Variants in DAB2IP observed in about 807,000 individuals in gnomAD.
The protein encoded by DAB2IP is DAB2 interacting protein, also known as disabled homolog 2-interacting protein.
DAB2IP carries 28 observed loss-of-function variants against 107.2 expected under a neutral mutation model. The observed-to-expected ratio is 0.26, with a 90% CI of 0.19 to 0.36. DAB2IP has a LOEUF of 0.36. DAB2IP is among the 10% of genes least tolerant of loss of function. The probability of loss-of-function intolerance (pLI) is 1.00; values close to 1 mark genes in which losing one functional copy is unlikely to be tolerated. For missense variants in DAB2IP, 1,400 were observed against 1,644.7 expected (o/e 0.85, Z 2.57); for synonymous variants, 755 against 706.4 (o/e 1.07, Z -1.09).
In DAB2IP at chr9:121,699,426, G is replaced by A. The variant is rs766282459; in HGVS notation, c.330G>A (p.Arg110=). ...TCCGCCACATCCTGCCGGGGTTCCG[G>A]AGCGCCGCCGCCGCCGCCGCGGACA... The change falls in exon 3 of 16, where the codon CGG becomes CGA. Residue 110 remains arginine, a synonymous_variant. Coordinates refer to ENST00000408936, the Ensembl canonical transcript of DAB2IP. The surrounding 1 kb of genome is among the most constrained non-coding windows in gnomAD (Gnocchi z 6.2). The A allele has an allele frequency of 4.1e-6, 6 of 1,460,772 alleles. No homozygotes were observed. The highest frequency in any genetic ancestry group is 2.1e-5 in the Admixed American group (1 of 47,414). 90.5% of individuals were successfully genotyped at this position (1,460,772 alleles called of 1,614,324 possible). A position where few individuals can be genotyped will look rare whatever the true frequency, so the allele number is the denominator to read the frequency against.
chr9:121,783,958 G>A, exon 16 of DAB2IP: 1 of 241,226 alleles, frequency 4.1e-6, no homozygotes, highest in South Asian at 7.2e-5. Flanking sequence ...CCAGGGCAGG[G>A]CGAGCTGCAG....
intron 4 of DAB2IP, 55 bp downstream of exon 4, chr9:121,757,221 G>C (rs1388547682): frequency 6.3e-7 from 1 of 1,586,634 alleles, no homozygotes; most frequent in African/African-American, 1.3e-5. Context: ...TGGCCTGGCT[G>C]GTCTCCTCCA....
chr9:121,741,072 A>G (rs986512706), intron 3 of DAB2IP, among the ~76,000 whole-genome samples: 4 of 152,144 alleles, frequency 2.6e-5, no homozygotes, highest in Non-Finnish European at 5.9e-5. Flanking sequence ...ATGTTCTGCC[A>G]GGGCTCCAAG....
At chr9:121,641,899 T>TTCTTTC (rs1554718129) in intron 1 of DAB2IP, among the ~76,000 whole-genome samples, 3 of 113,774 alleles carry the variant, frequency 2.6e-5, no homozygotes, top group African/African-American at 3.7e-5. Context: ...TTCCCTTTCT[T>TTCTTTC]TCTTTCTTTC....
chr9:121,719,706 C>G (rs892420770), intron 3 of DAB2IP, among the ~76,000 whole-genome samples: 1 of 152,180 alleles, frequency 6.6e-6, no homozygotes, highest in Non-Finnish European at 1.5e-5. Flanking sequence ...TCTCTTAGTG[C>G]TTACAGTGAC....
intron 1 of DAB2IP, among the ~76,000 whole-genome samples, chr9:121,581,421 T>A (rs603315): frequency 6.6e-6 from 1 of 152,026 alleles, no homozygotes; most frequent in Non-Finnish European, 1.5e-5. Flanking sequence ...GCACCTTGCA[T>A]CTTCAGGAGG....
In DAB2IP at chr9:121,613,753, A is replaced by G. The variant is rs117131613; in HGVS notation, c.40+46525A>G. On this transcript the variant is annotated intron_variant, in intron 1 of 16. Transcript: ENST00000259371. Reference sequence around the variant, plus strand: ...TAAATACAGAACAAATGACCTGTGCACTTATTGGAGAAGTGCTGGGATAGT... The same window carrying G: ...TAAATACAGAACAAATGACCTGTGCGCTTATTGGAGAAGTGCTGGGATAGT... 2.6e-5 allele frequency among the ~76,000 whole-genome samples: 4 copies of G among 152,222 alleles called. No homozygotes were observed. In the South Asian group the frequency reaches 8.3e-4, roughly 31 times the overall value.
intron 3 of DAB2IP, among the ~76,000 whole-genome samples, chr9:121,745,018 G>A (rs1407114599): frequency 2.0e-5 from 3 of 152,212 alleles, no homozygotes; most frequent in African/African-American, 7.2e-5. Context: ...TAAGTATGTT[G>A]CTTTCTCAGT....
intron 3 of DAB2IP, among the ~76,000 whole-genome samples, chr9:121,746,662 G>T (rs192093158): frequency 2.0e-5 from 3 of 152,336 alleles, no homozygotes; most frequent in East Asian, 3.9e-4. Context: ...CGCATTCTAG[G>T]GGGGGCCCAG....
At chr9:121,748,728 A>G (rs537948392) in intron 3 of DAB2IP, among the ~76,000 whole-genome samples, 38 of 152,328 alleles carry the variant, frequency 2.5e-4, no homozygotes, top group African/African-American at 9.1e-4. Flanking sequence ...TCATTCATTT[A>G]GTCAGCCTAT....
At chr9:121,668,425 ATGG>A (rs1424441595) in intron 1 of DAB2IP, among the ~76,000 whole-genome samples, 3 of 151,996 alleles carry the variant, frequency 2.0e-5, no homozygotes, top group Admixed American at 2.0e-4. Context: ...TTTCTTAGAG[ATGG>A]TGGTCTCGCT....
In DAB2IP at chr9:121,772,890, C is replaced by A; in HGVS notation, c.2362C>A (p.Arg788=). The change falls in exon 12 of 16, where the codon CGG becomes AGG. Residue 788 remains arginine, a synonymous_variant. Coordinates refer to ENST00000408936, the Ensembl canonical transcript of DAB2IP. This position sits in a 1 kb window ranked among gnomAD's most constrained non-coding sequence, Gnocchi z 4.7. ...TCAGCTGGTGGCCGGGTGGCCGGCC[C>A]GGGCAACCCCAGTGAACCTGGCAGG... The A allele has an allele frequency of 6.3e-7, 1 of 1,576,064 alleles. No homozygotes were observed. Among genetic ancestry groups the A allele is most frequent in the Non-Finnish European group, 8.6e-7 (1 of 1,164,914 alleles).
intron 1 of DAB2IP, among the ~76,000 whole-genome samples, chr9:121,632,252 C>G (rs1222096212): frequency 6.6e-6 from 1 of 152,210 alleles, no homozygotes; most frequent in African/African-American, 2.4e-5. Context: ...CGCAGAGTTG[C>G]TGTGGGCGTA....
intron 3 of DAB2IP, among the ~76,000 whole-genome samples, chr9:121,705,251 A>T (rs1564168859): frequency 6.6e-6 from 1 of 152,206 alleles, no homozygotes; most frequent in South Asian, 2.1e-4. Flanking sequence ...TTGTCTGTGT[A>T]CGTCTTTTGT....
At chr9:121,759,550 T>C (rs1287286587) in intron 5 of DAB2IP, among the ~76,000 whole-genome samples, 2 of 152,232 alleles carry the variant, frequency 1.3e-5, no homozygotes, top group East Asian at 3.9e-4. Context: ...GAGTTAATAA[T>C]GGCATAGCCT....
intron 1 of DAB2IP, among the ~76,000 whole-genome samples, chr9:121,585,846 T>TCAA (rs540921133): frequency 0.012 from 861 of 71,280 alleles, 13 homozygotes; most frequent in African/African-American, 0.041. Flanking sequence ...GGTTAGGGAT[T>TCAA]TAAAAAAAAA....
intron 3 of DAB2IP, among the ~76,000 whole-genome samples, chr9:121,709,728 G>A (rs1356028211): frequency 6.6e-6 from 1 of 152,206 alleles, no homozygotes; most frequent in Non-Finnish European, 1.5e-5. Context: ...GCACCCGTGT[G>A]GCAGGCATTA....
At chr9:121,764,272 G>A (rs989768383) in intron 8 of DAB2IP, among the ~76,000 whole-genome samples, 1 of 152,206 alleles carries the variant, frequency 6.6e-6, no homozygotes, top group East Asian at 1.9e-4. Flanking sequence ...GCCTTGTGAT[G>A]GGGCCAAGCA....
chr9:121,573,323 C>A (rs1020742465), intron 1 of DAB2IP, among the ~76,000 whole-genome samples: 2 of 152,052 alleles, frequency 1.3e-5, no homozygotes, highest in African/African-American at 2.4e-5. Context: ...GTGATCCACC[C>A]GCCTTGGCCT....
Sources: gnomAD v4.1 joint callset for allele counts (sites outside exome capture counted in the v4.1 genomes callset) on GRCh38, gnomAD v4.1.1 for gene constraint, Gnocchi (gnomAD v3.1) non-coding constraint, MANE v1.5 for transcripts, NCBI Gene and HGNC (gene_info 2026-07-23, HGNC 2026-07-21) for gene names.